The following KIF18B variants were observed in gnomAD, a reference collection of about 807,000 sequenced individuals.
KIF18B encodes kinesin family member 18B, also known as kinesin-like protein KIF18B.
KIF18B carries 49 observed loss-of-function variants against 80.9 expected under a neutral mutation model. That is an observed-to-expected ratio of 0.61 (90% CI 0.48 to 0.77). The LOEUF (loss-of-function observed/expected upper bound fraction) is 0.77. Ranked by LOEUF, KIF18B falls within the 30% of genes least tolerant of loss-of-function variation. The probability of loss-of-function intolerance (pLI) is 0.00; values close to 1 mark genes in which losing one functional copy is unlikely to be tolerated. For missense variants in KIF18B, 994 were observed against 1,127.7 expected (o/e 0.88, Z 1.70); for synonymous variants, 439 against 463.9 (o/e 0.95, Z 0.69).
chr17:44,935,230 G>A (rs562115898), intron 3 of KIF18B, 29 bp downstream of exon 3: 1 of 1,564,722 alleles, frequency 6.4e-7, no homozygotes, highest in African/African-American at 1.4e-5. Context: ...GTGGTTGTGA[G>A]AACAAGGCCC....
In KIF18B at chr17:44,934,870, G is replaced by A. The variant is rs1290720221; in HGVS notation, c.537C>T (p.Pro179=). ...GTCCTTGCACCACCACCCCCTTGTC[G>A]GGGTCCTCGCGGATGGCAAGGGGCC... ...PKGPLAIRED[P]DKGVVVQGLS... The change falls in exon 4 of 16, where the codon CCC becomes CCT. Residue 179 remains proline (P), a synonymous_variant. Transcript: ENST00000593135. The surrounding 1 kb of genome is among the most constrained non-coding windows in gnomAD (Gnocchi z 5.4). 2.6e-6 allele frequency: 4 copies of A among 1,551,388 alleles called. No homozygotes were observed. Among genetic ancestry groups the A allele is most frequent in the South Asian group, 2.4e-5 (2 of 84,028 alleles).
intron 12 of KIF18B, 40 bp downstream of exon 12, chr17:44,928,779 C>A (rs758391211): frequency 6.3e-7 from 1 of 1,593,032 alleles, no homozygotes; most frequent in Admixed American, 1.7e-5. Context: ...TTGAAGACAG[C>A]ACCTTGAAGA....
intron 1 of KIF18B, among the ~76,000 whole-genome samples, chr17:44,939,366 C>CAAAAAAAAAAAAAAAAAAAAA (rs781348504): frequency 2.7e-5 from 1 of 36,950 alleles, no homozygotes; most frequent in Admixed American, 4.5e-4. Context: ...GACTCCATCT[C>CAAAAAAAAAAAAAAAAAAAAA]AAAAAAAAAA....
chr17:44,939,136 C>T (rs1035868637), intron 1 of KIF18B, among the ~76,000 whole-genome samples: 1 of 151,486 alleles, frequency 6.6e-6, no homozygotes, highest in African/African-American at 2.4e-5. Flanking sequence ...TTTGGGAGGC[C>T]GAGGTGGGCA....
At chr17:44,933,902 C>T (rs770258191) in intron 7 of KIF18B, 21 bp downstream of exon 7, 2 of 1,540,422 alleles carry the variant, frequency 1.3e-6, no homozygotes, top group Non-Finnish European at 8.8e-7. Flanking sequence ...CACGCCCAAG[C>T]CGGCCCTGGC....
chr17:44,936,203 C>G lies in KIF18B; in HGVS notation c.142G>C (p.Gly48Arg). ...CCACCCCATTTCAGGCCAGGGAACC[C>G]TCCATCGGGCTCCTCAGGGTTAAAC... ...LVFNPEEPDG[G>R]FPGLKWGGTH... The change falls in exon 2 of 16, where the codon GGG becomes CGG. Residue 48 changes from glycine to arginine, a missense_variant. Gly to Arg is a moderately radical substitution (Grantham distance 125). Coordinates refer to ENST00000593135, the MANE Select transcript of KIF18B (RefSeq NM_001265577.2). 1 of 1,611,340 alleles carries G rather than the reference C, an allele frequency of 6.2e-7. No homozygotes were observed. The highest frequency in any genetic ancestry group is 8.5e-7 in the Non-Finnish European group (1 of 1,178,996).
chr17:44,947,171 G>C (rs1221132766), intron 1 of KIF18B, among the ~76,000 whole-genome samples: 1 of 148,186 alleles, frequency 6.7e-6, no homozygotes, highest in African/African-American at 2.5e-5. Flanking sequence ...CCACCGGCAC[G>C]TGCAGCTCTG....
chr17:44,932,473 G>A, intron 9 of KIF18B, 200 bp downstream of exon 9: 1 of 596,990 alleles, frequency 1.7e-6, no homozygotes. Flanking sequence ...TGCTCTTACG[G>A]GCTGGGGTGC....
Position 44,928,402 on chromosome 17 carries a change from C to T in KIF18B, c.1900G>A (p.Ala634Thr), listed in dbSNP as rs762699986. ...PMEKKRRRPS[A>T]LEADSPMAPK... ...GCCATGGGACTGTCTGCCTCCAAGG[C>T]GCTTGGTCTCCTCCTCTTCTTCTCC... The change falls in exon 13 of 16, where the codon GCC becomes ACC. Residue 634 changes from alanine to threonine, a missense_variant. Physicochemically the swap from Ala to Thr is moderately conservative, Grantham distance 58. Coordinates refer to ENST00000593135, the MANE Select transcript of KIF18B (RefSeq NM_001265577.2). 3.0e-5 allele frequency: 46 copies of T among 1,556,140 alleles called. No homozygotes were observed. The highest frequency in any genetic ancestry group is 1.5e-4 in the Admixed American group (8 of 51,960).
chr17:44,928,316 A>C lies in KIF18B; in HGVS notation c.1986T>G (p.Ser662=). The C allele has an allele frequency of 6.2e-7, 1 of 1,612,828 alleles. No individual in the cohort carries two copies. The highest frequency in any genetic ancestry group is 8.5e-7 in the Non-Finnish European group (1 of 1,179,648). The part of the protein sequence containing the change: ...QSFLPCLRRG[S]LPDTQPSQGP... Reference sequence around the variant, plus strand: ...CCTGTGAAGGTTGGGTGTCAGGCAGAGACCCTCTCCTTAGGCAGGGCAGGA... The same window carrying C: ...CCTGTGAAGGTTGGGTGTCAGGCAGCGACCCTCTCCTTAGGCAGGGCAGGA... The change falls in exon 13 of 16, where the codon TCT becomes TCG. Residue 662 remains serine (S), a synonymous_variant. Coordinates refer to ENST00000593135, the MANE Select transcript of KIF18B (RefSeq NM_001265577.2).
intron 7 of KIF18B, 98 bp from the exon 8 acceptor site, chr17:44,933,084 TC>T: frequency 9.2e-7 from 1 of 1,088,624 alleles, no homozygotes; most frequent in Non-Finnish European, 1.3e-6. Context: ...CTCTCCCACG[TC>T]CCCATGACCC....
rs750597915 is a variant in KIF18B, at chr17:44,934,615, T to C, written c.579A>G (p.Pro193=). ...TCTCCAGCAGCTGCTCGGCTGAGGCTGGCTACAGAGGAGAAGCCCAGGAAC... is the reference window on the plus strand; with the variant it reads ...TCTCCAGCAGCTGCTCGGCTGAGGCCGGCTACAGAGGAGAAGCCCAGGAAC... The part of the protein sequence containing the change: ...VVVQGLSFHQ[P]ASAEQLLEIL... Residue 193 remains proline, a splice_region_variant and synonymous_variant, in exon 5 of 16, where the codon CCA becomes CCG. Coordinates refer to ENST00000593135, the MANE Select transcript of KIF18B (RefSeq NM_001265577.2). The surrounding 1 kb of genome is among the most constrained non-coding windows in gnomAD (Gnocchi z 5.4). 12 of 1,602,342 alleles carry C rather than the reference T, an allele frequency of 7.5e-6. No individual in the cohort carries two copies. In the South Asian group the frequency reaches 1.3e-4, roughly 18 times the overall value.
rs2052086285 is a variant in KIF18B, at chr17:44,928,823, C to G, written c.1719G>C (p.Glu573Asp). The G allele has an allele frequency of 3.7e-6, 6 of 1,613,410 alleles. No homozygotes were observed. The highest frequency in any genetic ancestry group is 5.1e-6 in the Non-Finnish European group (6 of 1,179,734). Residue 573 changes from glutamate (E) to aspartate (D), a missense_variant, in exon 12 of 16, where the codon GAG becomes GAC. By Grantham distance (45) the Glu-to-Asp change is conservative (BLOSUM62 2). Transcript: ENST00000593135. ...GAPLAQELCSESIPVPSPLCP... is the reference protein window; with the variant it reads ...GAPLAQELCSDSIPVPSPLCP... ...GGAGAGCAGGATGAGACTCACTTGA[C>G]TCTGAACACAGCTCCTGAGCCAGAG...
At position 44,934,101 on chromosome 17, in the gene KIF18B, T is replaced by TG. The variant is rs547086894; in HGVS notation, c.886-3dup. On this transcript the variant is annotated splice_region_variant and splice_polypyrimidine_tract_variant and intron_variant, in intron 6 of 15. Coordinates refer to ENST00000593135, the MANE Select transcript of KIF18B (RefSeq NM_001265577.2). This position sits in a 1 kb window ranked among gnomAD's most constrained non-coding sequence, Gnocchi z 5.4. ...GTAGGGCACATGGGTCTTGCGGCCC[T>TG]GGGGGGCAGTAAGCAGGTGTGGGGT... The TG allele has an allele frequency of 3.4e-4, 544 of 1,612,006 alleles. 3 individuals are homozygous for TG. In the African/African-American group the frequency reaches 6.9e-3, roughly 20 times the overall value.
At chr17:44,940,296 C>T (rs2052390858) in intron 1 of KIF18B, among the ~76,000 whole-genome samples, 1 of 152,160 alleles carries the variant, frequency 6.6e-6, no homozygotes, top group Non-Finnish European at 1.5e-5. Flanking sequence ...ATGTTTAGCT[C>T]CCCACCTCCA....
rs765254589 is a variant in KIF18B at position 44,932,776 on chromosome 17, G to A, written c.1138-3C>T. 1.9e-6 allele frequency: 3 copies of A among 1,612,194 alleles called. No homozygotes were observed. Among genetic ancestry groups the A allele is most frequent in the Admixed American group, 1.7e-5 (1 of 59,942 alleles). On this transcript the variant is annotated splice_region_variant and splice_polypyrimidine_tract_variant and intron_variant, in intron 8 of 15. Transcript: ENST00000593135. ...AGCTTCTTCCTCAGAGCGGCTACCT[G>A]GAACAGAAGCAGCCCAGCCCCTGAG...
Position 44,927,692 on chromosome 17 carries a change from A to G in KIF18B, c.2276+334T>C, listed in dbSNP as rs1406391065. The stretch of plus-strand genomic sequence containing the variant: ...CCCAGGCCAAAGAGCCCAAGTAAAG[A>G]GAGGAACAGAAGTGTTGGGTTCCCC... On this transcript the variant is annotated intron_variant, in intron 13 of 15. Coordinates refer to ENST00000593135, the MANE Select transcript of KIF18B (RefSeq NM_001265577.2). The surrounding 1 kb of genome is among the most constrained non-coding windows in gnomAD (Gnocchi z 4.1). 6.6e-6 allele frequency among the ~76,000 whole-genome samples: 1 copy of G among 152,256 alleles called. No homozygotes were observed. The highest frequency in any genetic ancestry group is 1.5e-5 in the Non-Finnish European group (1 of 68,046).
Position 44,926,142 on chromosome 17 carries a change from T to C in KIF18B, c.2497A>G (p.Lys833Glu), listed in dbSNP as rs749228140. Residue 833 changes from lysine to glutamate, a missense_variant, in exon 16 of 16, where the codon AAG becomes GAG. By Grantham distance (56) the Lys-to-Glu change is moderately conservative. Transcript: ENST00000593135. ...GCTCTCCCCACCCTGATGAGGTCCT[T>C]TCCATTCCTCCGGTTGCTAGGGCAC... The part of the protein sequence containing the change: ...PLCPSNRRNG[K>E]DLIRVGRALS... The C allele has an allele frequency of 6.2e-7, 1 of 1,613,866 alleles. No individual in the cohort carries two copies. Among genetic ancestry groups the C allele is most frequent in the South Asian group, 1.1e-5 (1 of 91,068 alleles).
intron 9 of KIF18B, 65 bp downstream of exon 9, chr17:44,932,608 G>A (rs2052180675): frequency 1.1e-6 from 1 of 886,532 alleles, no homozygotes; most frequent in South Asian, 1.3e-5. Flanking sequence ...AACTGGAGAA[G>A]AGGGCCTGGC....
Sources: allele counts gnomAD v4.1 joint callset (sites outside exome capture counted in the v4.1 genomes callset), GRCh38; gene constraint gnomAD v4.1.1; non-coding constraint Gnocchi (gnomAD v3.1); transcripts MANE v1.5; gene names NCBI Gene and HGNC (gene_info 2026-07-23, HGNC 2026-07-21).